Variants in NCKAP5 observed in about 807,000 individuals in gnomAD.
NCKAP5 encodes nck-associated protein 5.
In NCKAP5, 92 loss-of-function variants were observed where a neutral mutation model predicts 167.0. That is an observed-to-expected ratio of 0.55 (90% confidence interval 0.47 to 0.66). The LOEUF (loss-of-function observed/expected upper bound fraction) is 0.66, where lower values mean the gene tolerates loss of function less well. NCKAP5 is among the 30% of genes least tolerant of loss of function. NCKAP5 has a pLI of 0.00. For missense variants in NCKAP5, 2,378 were observed against 2,315.0 expected, an observed-to-expected ratio of 1.03 and a Z score of -0.56; for synonymous variants, 891 against 877.4, an observed-to-expected ratio of 1.02 and a Z score of -0.27.
At chr2:132,900,383 C>T (rs1487536302) in intron 8 of NCKAP5, among the ~76,000 whole-genome samples, 2 of 152,106 alleles carry the variant, frequency 1.3e-5, no homozygotes, top group Non-Finnish European at 2.9e-5. Context: ...CTAGTAGCAT[C>T]CCCTTCACCT....
chr2:133,652,000 T>C, the NCKAP5 span, among the ~76,000 whole-genome samples: 1 of 152,068 alleles, frequency 6.6e-6, no homozygotes, highest in African/African-American at 2.4e-5. Flanking sequence ...TTTTCAGAAA[T>C]CAGGAGAATG....
At chr2:133,310,334 C>T (rs561761971) in intron 3 of NCKAP5, among the ~76,000 whole-genome samples, 244 of 152,338 alleles carry the variant, frequency 1.6e-3, no homozygotes, top group Non-Finnish European at 2.9e-3. Context: ...GCCATCTTAG[C>T]ATCAGCCATC....
intron 4 of NCKAP5, among the ~76,000 whole-genome samples, chr2:133,247,349 T>C (rs1485593561): frequency 1.3e-5 from 2 of 152,198 alleles, no homozygotes; most frequent in Admixed American, 1.3e-4. Context: ...TAAAAATAAA[T>C]TTTTACATAA....
At chr2:133,320,759 G>A (rs552881835) in intron 3 of NCKAP5, among the ~76,000 whole-genome samples, 1 of 152,104 alleles carries the variant, frequency 6.6e-6, no homozygotes, top group East Asian at 1.9e-4. Context: ...AAAGAAAAAG[G>A]CCCTTTATGC....
chr2:133,481,393 A>T (rs1412834141), intron 3 of NCKAP5, among the ~76,000 whole-genome samples: 2 of 152,198 alleles, frequency 1.3e-5, no homozygotes, highest in African/African-American at 4.8e-5. Context: ...TAATGTGGAG[A>T]GATCAAGTCA....
chr2:132,750,674 A>G (rs929188650), intron 16 of NCKAP5, among the ~76,000 whole-genome samples: 1 of 152,224 alleles, frequency 6.6e-6, no homozygotes, highest in Non-Finnish European at 1.5e-5. Context: ...AGTGCTAAGC[A>G]TGAACATTTT....
At chr2:132,708,934 AT>A (rs1688601083) in intron 19 of NCKAP5, among the ~76,000 whole-genome samples, 1 of 152,142 alleles carries the variant, frequency 6.6e-6, no homozygotes, top group African/African-American at 2.4e-5. Flanking sequence ...AGGAATGTTA[AT>A]GCTTTTTGCA....
intron 11 of NCKAP5, among the ~76,000 whole-genome samples, chr2:132,805,272 T>G (rs6749308): frequency 0.052 from 7,942 of 152,118 alleles, 407 homozygotes; most frequent in East Asian, 0.13. Context: ...GCTAAAAAAA[T>G]CTTGCCTAAT....
intron 5 of NCKAP5, among the ~76,000 whole-genome samples, chr2:133,150,417 T>C (rs1366162274): frequency 6.6e-6 from 1 of 152,126 alleles, no homozygotes; most frequent in East Asian, 1.9e-4. Flanking sequence ...ATACTGAAGA[T>C]AAGGGGGAAC....
At chr2:133,286,361 C>T (rs1176199092) in intron 4 of NCKAP5, among the ~76,000 whole-genome samples, 4 of 151,962 alleles carry the variant, frequency 2.6e-5, no homozygotes, top group Admixed American at 1.3e-4. Flanking sequence ...TGAAACAGAA[C>T]AAGGCAATTA....
intron 4 of NCKAP5, among the ~76,000 whole-genome samples, chr2:133,297,365 T>C (rs985093559): frequency 1.3e-5 from 2 of 152,180 alleles, no homozygotes; most frequent in African/African-American, 4.8e-5. Context: ...AAAAGACAAT[T>C]GAGCTTTTAA....
intron 3 of NCKAP5, among the ~76,000 whole-genome samples, chr2:133,423,247 C>T (rs2151098495): frequency 6.6e-6 from 1 of 152,232 alleles, no homozygotes. Flanking sequence ...AAACTGATGA[C>T]CCATAGCTAA....
At chr2:133,185,372 T>C (rs1444460119) in intron 5 of NCKAP5, among the ~76,000 whole-genome samples, 2 of 152,160 alleles carry the variant, frequency 1.3e-5, no homozygotes, top group African/African-American at 2.4e-5. Flanking sequence ...GGCACTATAG[T>C]ATAGTTTGAA....
chr2:132,787,709 G>A (rs1412124722), intron 13 of NCKAP5, among the ~76,000 whole-genome samples: 1 of 152,142 alleles, frequency 6.6e-6, no homozygotes, highest in African/African-American at 2.4e-5. Flanking sequence ...CCTCTTCCCT[G>A]TACCATTACA....
intron 19 of NCKAP5, among the ~76,000 whole-genome samples, chr2:132,699,777 T>C (rs1317955419): frequency 6.6e-6 from 1 of 152,162 alleles, no homozygotes; most frequent in African/African-American, 2.4e-5. Flanking sequence ...GTGAATAGTG[T>C]CGCAATAAAC....
intron 6 of NCKAP5, among the ~76,000 whole-genome samples, chr2:133,026,644 G>A (rs2078707809): frequency 6.6e-6 from 1 of 152,168 alleles, no homozygotes; most frequent in Admixed American, 6.5e-5. Context: ...GGCATATTTA[G>A]TCAAAGGAGA....
At position 133,273,296 on chromosome 2, in the gene NCKAP5, T is replaced by C. The variant is rs978215842; in HGVS notation, c.143+29741A>G. Among the ~76,000 whole-genome samples the C allele has an allele frequency of 5.3e-5, 8 of 152,196 alleles. 1 individual carries two copies. Among genetic ancestry groups the C allele is most frequent in the Admixed American group, 5.2e-4 (8 of 15,276 alleles). ...GCATTTTCCTGATGGCTAATGACGT[T>C]CAGTATCTTTTCATGTGCTTATTGG... On this transcript the variant is annotated intron_variant, in intron 4 of 19. Coordinates refer to ENST00000409261, the MANE Select transcript of NCKAP5 (RefSeq NM_207363.3).
At chr2:133,016,417 G>A (rs946449789) in intron 6 of NCKAP5, among the ~76,000 whole-genome samples, 2 of 152,172 alleles carry the variant, frequency 1.3e-5, no homozygotes, top group African/African-American at 4.8e-5. Flanking sequence ...AACAGATGGT[G>A]CATTTCACCA....
At chr2:133,440,743 T>C (rs902960905) in intron 3 of NCKAP5, among the ~76,000 whole-genome samples, 2 of 140,350 alleles carry the variant, frequency 1.4e-5, no homozygotes, top group Non-Finnish European at 3.1e-5. Flanking sequence ...AAAGGAAAGA[T>C]TTTAGAATAT....
Sources: gnomAD v4.1 joint callset for allele counts (sites outside exome capture counted in the v4.1 genomes callset) on GRCh38, gnomAD v4.1.1 for gene constraint, MANE v1.5 for transcripts, NCBI Gene and HGNC (gene_info 2026-07-23, HGNC 2026-07-21) for gene names.